SAMD15: variants seen among roughly 807,000 people sequenced by gnomAD.
The protein encoded by SAMD15 is sterile alpha motif domain containing 15.
Under a neutral mutation model 50.5 loss-of-function variants are expected in SAMD15, and 37 were observed. The ratio of observed to expected loss-of-function variants is 0.73; its 90% CI spans 0.56 to 0.96. The LOEUF (loss-of-function observed/expected upper bound fraction) is 0.96. Among genes scored for constraint, SAMD15 ranks in the 40% least tolerant of loss-of-function variants. The pLI, the probability that SAMD15 is intolerant of heterozygous loss-of-function variation, is 0.00. For synonymous variants in SAMD15, 255 were observed against 282.8 expected, an observed-to-expected ratio of 0.90 and a Z score of 0.99; for missense variants, 789 against 783.8, an observed-to-expected ratio of 1.01 and a Z score of -0.08.
At chr14:77,390,160 T>C (rs781292779) in intron 2 of SAMD15, among the ~76,000 whole-genome samples, 6 of 152,064 alleles carry the variant, frequency 3.9e-5, no homozygotes, top group Non-Finnish European at 8.8e-5. Context: ...CACTCCTGGC[T>C]AATTTTTGTA....
rs1893911810 is a variant in SAMD15 at position 77,379,104 on chromosome 14, CA to C, written c.1688del (p.Lys563ArgfsTer27). 9.3e-6 allele frequency: 15 copies of C among 1,609,016 alleles called. No individual in the cohort carries two copies. Among genetic ancestry groups the C allele is most frequent in the Non-Finnish European group, 1.2e-5 (14 of 1,177,822 alleles). On this transcript the variant is annotated frameshift_variant and splice_region_variant, in exon 1 of 3. Transcript: ENST00000216471. LOFTEE classifies it high-confidence loss of function. ...TTAGCCAGCTAGGCTTCCCTCAATA[CA>C]AGGTATACAAAAATAAGATGTTTTG... ...WISQLGFPQYKECFITNFISG... is the reference protein window; with the variant it reads ...WISQLGFPQYXECFITNFISG...
In SAMD15 at chr14:77,377,730, C is replaced by T. The variant is rs1893864961; in HGVS notation, c.312C>T (p.His104=). ...DVPSETEPGI[H]QEVKSETSRE... ...CAAGCGAAACTGAACCAGGGATACA[C>T]CAAGAGGTAAAGTCGGAAACATCCA... is the stretch of plus-strand genomic sequence containing the variant. Residue 104 remains histidine (H), a synonymous_variant, in exon 1 of 3, where the codon CAC becomes CAT. Transcript: ENST00000216471. 5 of 1,614,128 alleles carry T rather than the reference C, an allele frequency of 3.1e-6. No homozygotes were observed. Among genetic ancestry groups the T allele is most frequent in the Non-Finnish European group, 4.2e-6 (5 of 1,180,022 alleles).
chr14:77,388,537 T>A (rs1482460303), intron 2 of SAMD15, among the ~76,000 whole-genome samples: 1 of 151,224 alleles, frequency 6.6e-6, no homozygotes, highest in Non-Finnish European at 1.5e-5. Context: ...TACTTCAGCC[T>A]CCCAAGTAGC....
At chr14:77,382,970 C>A (rs1220282707) in intron 2 of SAMD15, among the ~76,000 whole-genome samples, 3 of 152,144 alleles carry the variant, frequency 2.0e-5, no homozygotes, top group Non-Finnish European at 4.4e-5. Context: ...GCCTCAGCCT[C>A]CCAAAGTGCT....
At chr14:77,389,527 GTCTC>G (rs1444924227) in intron 2 of SAMD15, among the ~76,000 whole-genome samples, 1 of 121,828 alleles carries the variant, frequency 8.2e-6, no homozygotes, top group Non-Finnish European at 1.6e-5. Flanking sequence ...TTGAGACAGA[GTCTC>G]TCTCTGTCAC....
Position 77,391,281 on chromosome 14 carries a change from A to T in SAMD15, c.*37A>T. ...TTCACAGAGCTTGAAAGATCAAACTAAATTACTTGAGGGAAGAGGTATGGT... is the reference window on the plus strand; with the variant it reads ...TTCACAGAGCTTGAAAGATCAAACTTAATTACTTGAGGGAAGAGGTATGGT... On this transcript the variant is annotated 3_prime_UTR_variant, in exon 3 of 3. Coordinates refer to ENST00000216471, the MANE Select transcript of SAMD15 (RefSeq NM_001010860.4). The T allele has an allele frequency of 7.6e-7, 1 of 1,321,700 alleles. No homozygotes were observed. The highest frequency in any genetic ancestry group is 1.3e-5 in the South Asian group (1 of 79,380). 81.9% of individuals were successfully genotyped at this position (1,321,700 alleles called of 1,614,324 possible). A position where few individuals can be genotyped will look rare whatever the true frequency, so the allele number is the denominator to read the frequency against.
chr14:77,383,500 G>A (rs1450688987), intron 2 of SAMD15, among the ~76,000 whole-genome samples: 2 of 152,170 alleles, frequency 1.3e-5, no homozygotes, highest in Admixed American at 6.5e-5. Context: ...AGTAAATGAC[G>A]AATCCAGTGG....
In SAMD15 at chr14:77,378,494, A is replaced by G. The variant is rs377583529; in HGVS notation, c.1076A>G (p.Glu359Gly). The G allele has an allele frequency of 4.3e-6, 7 of 1,613,318 alleles. No homozygotes were observed. The highest frequency in any genetic ancestry group is 1.6e-4 in the Middle Eastern group (1 of 6,078). ...ILEQSEMMKP[E>G]SPEEIRKSNE... The stretch of plus-strand genomic sequence containing the variant: ...GAACAATCAGAAATGATGAAACCAG[A>G]AAGTCCAGAAGAGATAAGAAAGTCA... The change falls in exon 1 of 3, where the codon GAA becomes GGA. Residue 359 changes from glutamate (E) to glycine (G), a missense_variant. By Grantham distance (98) the Glu-to-Gly change is moderately conservative (BLOSUM62 -2). This residue lies in a region of SAMD15 where 770 missense variants were observed against 745.4 expected (regional missense o/e 1.03). Transcript: ENST00000216471.
In SAMD15 at chr14:77,391,250, A is replaced by G; in HGVS notation, c.*6A>G. On this transcript the variant is annotated 3_prime_UTR_variant, in exon 3 of 3. Coordinates refer to ENST00000216471, the MANE Select transcript of SAMD15 (RefSeq NM_001010860.4). ...TACCTTGCACTGAACCATAGGGGAA[A>G]TCCACTTCACAGAGCTTGAAAGATC... 1 of 1,550,998 alleles carries G rather than the reference A, an allele frequency of 6.4e-7. No individual in the cohort carries two copies. The highest frequency in any genetic ancestry group is 8.9e-7 in the Non-Finnish European group (1 of 1,123,352).
chr14:77,385,485 C>T (rs1453203611), intron 2 of SAMD15, among the ~76,000 whole-genome samples: 5 of 152,048 alleles, frequency 3.3e-5, no homozygotes, highest in African/African-American at 9.6e-5. Context: ...GATGGGGTTT[C>T]GCCATGTTGG....
chr14:77,379,062 G>A lies in SAMD15; in HGVS notation c.1644G>A (p.Glu548=), dbSNP rs746701669. Reference sequence around the variant, plus strand: ...TTGAGCATCTTAATTGGGATCCAGAGGAAGTTGCAGAGTGGATTAGCCAGC... The same window carrying A: ...TTGAGCATCTTAATTGGGATCCAGAAGAAGTTGCAGAGTGGATTAGCCAGC... ...LQFEHLNWDP[E]EVAEWISQLG... Residue 548 remains glutamate, a synonymous_variant, in exon 1 of 3, where the codon GAG becomes GAA. Coordinates refer to ENST00000216471, the MANE Select transcript of SAMD15 (RefSeq NM_001010860.4). The A allele has an allele frequency of 6.2e-7, 1 of 1,613,944 alleles. No individual in the cohort carries two copies. Among genetic ancestry groups the A allele is most frequent in the South Asian group, 1.1e-5 (1 of 91,072 alleles).
intron 1 of SAMD15, among the ~76,000 whole-genome samples, chr14:77,379,832 A>G (rs1893921081): frequency 6.6e-6 from 1 of 152,216 alleles, no homozygotes; most frequent in African/African-American, 2.4e-5. Context: ...TGCCCCAAAT[A>G]TGTCACCTGT....
rs561048829 is a variant in SAMD15 at position 77,390,932 on chromosome 14, G to A, written c.1789-76G>A. ...AAGGAGTTAATATTCAAGAGGCTTA[G>A]AAAACTAAATAAACCTTCTTTGATT... On this transcript the variant is annotated intron_variant, in intron 2 of 2. Transcript: ENST00000216471. The A allele has an allele frequency of 1.9e-5, 17 of 907,790 alleles. No homozygotes were observed. The African/African-American group carries it at 2.5e-4, about 13-fold the overall frequency. The allele number at this position is 907,790 out of a possible 1,614,324, so 56.2% of individuals were successfully genotyped here. A position where few individuals can be genotyped will look rare whatever the true frequency, so the allele number is the denominator to read the frequency against.
In SAMD15 at chr14:77,378,538, C is replaced by G; in HGVS notation, c.1120C>G (p.Gln374Glu). The part of the protein sequence containing the change: ...IRKSNEKKNP[Q>E]PPEETGPVLP... ...AAAGTCAAATGAGAAAAAAAATCCACAGCCACCAGAGGAGACTGGTCCAGT... is the reference window on the plus strand; with the variant it reads ...AAAGTCAAATGAGAAAAAAAATCCAGAGCCACCAGAGGAGACTGGTCCAGT... The change falls in exon 1 of 3, where the codon CAG becomes GAG. Residue 374 changes from glutamine (Q) to glutamate (E), a missense_variant. Coordinates refer to ENST00000216471, the MANE Select transcript of SAMD15 (RefSeq NM_001010860.4). The G allele has an allele frequency of 6.2e-7, 1 of 1,613,406 alleles. No homozygotes were observed. Among genetic ancestry groups the G allele is most frequent in the Non-Finnish European group, 8.5e-7 (1 of 1,179,876 alleles).
At chr14:77,386,749 A>C (rs1203233823) in intron 2 of SAMD15, among the ~76,000 whole-genome samples, 1 of 152,236 alleles carries the variant, frequency 6.6e-6, no homozygotes, top group African/African-American at 2.4e-5. Context: ...CAATTATACA[A>C]ATATGCATAG....
chr14:77,390,735 C>A (rs1378029197), intron 2 of SAMD15, among the ~76,000 whole-genome samples: 1 of 151,990 alleles, frequency 6.6e-6, no homozygotes, highest in Non-Finnish European at 1.5e-5. Context: ...ACTAAAAATA[C>A]AAAAATTAGC....
chr14:77,390,911 A>C (rs1037723029), intron 2 of SAMD15, 97 bp from the exon 3 acceptor site: 3 of 759,872 alleles, frequency 3.9e-6, no homozygotes, highest in Non-Finnish European at 6.7e-6. Flanking sequence ...AGAAATAAGG[A>C]GTTAATATTC....
At chr14:77,380,885 G>A (rs1566700519) in intron 2 of SAMD15, among the ~76,000 whole-genome samples, 1 of 151,936 alleles carries the variant, frequency 6.6e-6, no homozygotes, top group Non-Finnish European at 1.5e-5. Flanking sequence ...TACCAAGATA[G>A]TCTCCACTCC....
chr14:77,378,181 G>A lies in SAMD15; in HGVS notation c.763G>A (p.Glu255Lys). 6.2e-7 allele frequency: 1 copy of A among 1,613,936 alleles called. No individual in the cohort carries two copies. The highest frequency in any genetic ancestry group is 8.5e-7 in the Non-Finnish European group (1 of 1,179,984). ...AGAGTCAACTGAGAAGAAAAGGACA[G>A]AGCCACCCGAGCAGGCTAGACTGGA... is the stretch of plus-strand genomic sequence containing the variant. ...QRESTEKKRT[E>K]PPEQARLEFL... The change falls in exon 1 of 3, where the codon GAG (glutamate) becomes AAG (lysine). Residue 255 changes from glutamate (E) to lysine (K), a missense_variant. Physicochemically the swap from Glu to Lys is moderately conservative, Grantham distance 56. Coordinates refer to ENST00000216471, the MANE Select transcript of SAMD15 (RefSeq NM_001010860.4).
Sources: allele counts gnomAD v4.1 joint callset (sites outside exome capture counted in the v4.1 genomes callset), GRCh38; gene constraint gnomAD v4.1.1; regional missense constraint gnomAD v4.1.1; transcripts MANE v1.5; gene names NCBI Gene and HGNC (gene_info 2026-07-23, HGNC 2026-07-21).